CNTN1: variants seen among roughly 807,000 people sequenced by gnomAD.
The protein encoded by CNTN1 is contactin-1.
Under a neutral mutation model 126.4 loss-of-function variants are expected in CNTN1, and 38 were observed. The ratio of observed to expected loss-of-function variants is 0.30; its 90% CI spans 0.23 to 0.39. The LOEUF is 0.39. Ranked by LOEUF, CNTN1 falls within the 10% of genes least tolerant of loss-of-function variation. CNTN1 has a pLI of 1.00. For missense variants in CNTN1, 1,009 were observed against 1,248.4 expected (o/e 0.81, Z 2.89); for synonymous variants, 413 against 422.6 (o/e 0.98, Z 0.28).
chr12:40,864,250 C>A (rs1943222547), intron 1 of CNTN1, among the ~76,000 whole-genome samples: 1 of 151,778 alleles, frequency 6.6e-6, no homozygotes, highest in African/African-American at 2.4e-5. Flanking sequence ...GAACTCCTGA[C>A]CTCAGGTGAT....
chr12:40,816,452 T>C (rs1339397485), intron 1 of CNTN1, among the ~76,000 whole-genome samples: 1 of 152,192 alleles, frequency 6.6e-6, no homozygotes, highest in African/African-American at 2.4e-5. Flanking sequence ...GTGTTTTTAT[T>C]ATTCTCTGAC....
intron 1 of CNTN1, among the ~76,000 whole-genome samples, chr12:40,832,610 A>G (rs1287914617): frequency 3.3e-5 from 5 of 152,172 alleles, no homozygotes; most frequent in Non-Finnish European, 7.3e-5. Context: ...GTATCCTCAT[A>G]GTTAAGTGAT....
chr12:40,778,671 AAAAAC>A (rs1269771515), intron 1 of CNTN1, among the ~76,000 whole-genome samples: 1 of 151,830 alleles, frequency 6.6e-6, no homozygotes, highest in Non-Finnish European at 1.5e-5. Context: ...TTTTATCTTA[AAAAAC>A]AAAACAAAAC....
At chr12:40,964,615 A>C (rs1300478878) in intron 15 of CNTN1, among the ~76,000 whole-genome samples, 1 of 151,710 alleles carries the variant, frequency 6.6e-6, no homozygotes, top group Non-Finnish European at 1.5e-5. Flanking sequence ...GAATGGAGAG[A>C]GATATTAGTT....
At chr12:41,056,887 A>C (rs1436441082) in intron 23 of CNTN1, among the ~76,000 whole-genome samples, 4 of 131,748 alleles carry the variant, frequency 3.0e-5, no homozygotes, top group Non-Finnish European at 6.1e-5. Context: ...ATATTTATAA[A>C]TATTATATTT....
intron 23 of CNTN1, among the ~76,000 whole-genome samples, chr12:41,041,266 C>T (rs1395688525): frequency 6.6e-6 from 1 of 152,018 alleles, no homozygotes; most frequent in Non-Finnish European, 1.5e-5. Flanking sequence ...GGATGAAGCC[C>T]ACTTGATCAT....
chr12:40,942,342 C>G (rs1201049294), intron 12 of CNTN1, among the ~76,000 whole-genome samples: 1 of 152,012 alleles, frequency 6.6e-6, no homozygotes, highest in Non-Finnish European at 1.5e-5. Flanking sequence ...AAGTATTTTA[C>G]TGAGATACAG....
chr12:40,799,666 C>G (rs1352355146), intron 1 of CNTN1, among the ~76,000 whole-genome samples: 1 of 151,952 alleles, frequency 6.6e-6, no homozygotes, highest in African/African-American at 2.4e-5. Flanking sequence ...TTTATGCAAG[C>G]TCTGTACTAG....
chr12:40,859,221 C>T (rs1014932947), intron 1 of CNTN1, among the ~76,000 whole-genome samples: 4 of 151,866 alleles, frequency 2.6e-5, no homozygotes, highest in African/African-American at 4.8e-5. Context: ...AGAATAGACC[C>T]ATAAGTAGGT....
intron 1 of CNTN1, among the ~76,000 whole-genome samples, chr12:40,900,506 A>G (rs1944566286): frequency 6.6e-6 from 1 of 152,286 alleles, no homozygotes. Context: ...GCTGATTCCA[A>G]ACTATCTTGC....
chr12:40,908,633 G>A lies in CNTN1; in HGVS notation c.61+140G>A, dbSNP rs1944921512. 5.1e-6 allele frequency: 3 copies of A among 587,026 alleles called. No individual in the cohort carries two copies. The Admixed American group carries it at 9.8e-5, about 19-fold the overall frequency. 36.4% of individuals were successfully genotyped at this position (587,026 alleles called of 1,614,324 possible). On this transcript the variant is annotated intron_variant, in intron 2 of 23. Transcript: ENST00000551295. ...ATAAGTAGATAAATATGTATCAAGG[G>A]TGACCCTATTTCCTTTTTAATTTCA...
intron 1 of CNTN1, among the ~76,000 whole-genome samples, chr12:40,711,748 G>T (rs1433437979): frequency 6.6e-6 from 1 of 151,478 alleles, no homozygotes; most frequent in Non-Finnish European, 1.5e-5. Context: ...ATCTTGCTCT[G>T]TCTTCCATGC....
intron 1 of CNTN1, among the ~76,000 whole-genome samples, chr12:40,844,161 G>C (rs1275652545): frequency 6.9e-6 from 1 of 145,494 alleles, no homozygotes; most frequent in African/African-American, 2.5e-5. Flanking sequence ...TCCGCCTCCA[G>C]GGTTCAAGCG....
At chr12:40,962,328 T>C (rs920238736) in intron 15 of CNTN1, among the ~76,000 whole-genome samples, 1 of 152,114 alleles carries the variant, frequency 6.6e-6, no homozygotes, top group African/African-American at 2.4e-5. Flanking sequence ...TACAGCATGA[T>C]GAAAGCAATT....
chr12:40,949,163 A>G (rs1946552493), intron 14 of CNTN1, among the ~76,000 whole-genome samples: 1 of 147,922 alleles, frequency 6.8e-6, no homozygotes, highest in Non-Finnish European at 1.5e-5. Flanking sequence ...AGACAAGAAA[A>G]AGGAGAGGAA....
At chr12:40,829,301 AATAT>A (rs1941727395) in intron 1 of CNTN1, among the ~76,000 whole-genome samples, 1 of 152,038 alleles carries the variant, frequency 6.6e-6, no homozygotes, top group Non-Finnish European at 1.5e-5. Context: ...ATTACTAGTG[AATAT>A]ATATGCACAC....
At chr12:40,836,557 T>C (rs1014101424) in intron 1 of CNTN1, among the ~76,000 whole-genome samples, 1 of 152,080 alleles carries the variant, frequency 6.6e-6, no homozygotes, top group Non-Finnish European at 1.5e-5. Flanking sequence ...CTGTGAAATA[T>C]GATGGTACAC....
chr12:40,739,816 C>A (rs1358650053), intron 1 of CNTN1, among the ~76,000 whole-genome samples: 1 of 151,822 alleles, frequency 6.6e-6, no homozygotes, highest in African/African-American at 2.4e-5. Context: ...GTTGTAGTAA[C>A]AATACAAAGG....
intron 16 of CNTN1, among the ~76,000 whole-genome samples, chr12:40,983,367 T>TA (rs1947869792): frequency 6.6e-6 from 1 of 152,116 alleles, no homozygotes; most frequent in Admixed American, 6.6e-5. Flanking sequence ...GCTTTCTAAA[T>TA]ATTTTACTAT....
Sources: gnomAD v4.1 joint callset for allele counts (sites outside exome capture counted in the v4.1 genomes callset) on GRCh38, gnomAD v4.1.1 for gene constraint, MANE v1.5 for transcripts, NCBI Gene and HGNC (gene_info 2026-07-23, HGNC 2026-07-21) for gene names.